Variants in ATG5 observed in about 807,000 individuals in gnomAD.
ATG5 encodes the protein autophagy related 5.
A neutral mutation model predicts 36.5 loss-of-function variants in ATG5; 14 were observed. The observed-to-expected ratio is 0.38, with a 90% CI of 0.25 to 0.60. ATG5 has a LOEUF of 0.60. Among genes scored for constraint, ATG5 ranks in the 20% least tolerant of loss-of-function variants. The pLI is 0.60. For synonymous variants in ATG5, 95 were observed against 101.5 expected (o/e 0.94, Z 0.38); for missense variants, 195 against 326.7 (o/e 0.60, Z 3.11).
At chr6:106,278,262 G>C (rs981963931) in intron 5 of ATG5, among the ~76,000 whole-genome samples, 4 of 152,082 alleles carry the variant, frequency 2.6e-5, no homozygotes, top group African/African-American at 9.7e-5. Flanking sequence ...TTATTTCTTT[G>C]TAAAAACTTA....
At chr6:106,212,933 G>A (rs1214346484) in intron 6 of ATG5, among the ~76,000 whole-genome samples, 1 of 152,122 alleles carries the variant, frequency 6.6e-6, no homozygotes, top group Non-Finnish European at 1.5e-5. Context: ...AGTGGTAATA[G>A]GCACTACAAT....
At chr6:106,263,752 T>G (rs1779117538) in intron 5 of ATG5, among the ~76,000 whole-genome samples, 1 of 151,814 alleles carries the variant, frequency 6.6e-6, no homozygotes, top group Non-Finnish European at 1.5e-5. Context: ...GCAGCAGACC[T>G]GCAGAAGAGG....
At chr6:106,212,857 CA>C (rs931307125) in intron 6 of ATG5, among the ~76,000 whole-genome samples, 1 of 151,978 alleles carries the variant, frequency 6.6e-6, no homozygotes, top group African/African-American at 2.4e-5. Flanking sequence ...TTAGCAAAAA[CA>C]AAAAAACCCC....
chr6:106,273,882 G>A lies in ATG5; in HGVS notation c.478+5779C>T, dbSNP rs144827026. 5.0e-3 allele frequency among the ~76,000 whole-genome samples: 765 copies of A among 152,230 alleles called. 2 individuals are homozygous for A. The highest frequency in any genetic ancestry group is 8.3e-3 in the Non-Finnish European group (564 of 68,012). ...CAAACAAAAGTATTTTCCAAATGTCGTGACTTGTTATAAAATTACCATTAG... is the reference window on the plus strand; with the variant it reads ...CAAACAAAAGTATTTTCCAAATGTCATGACTTGTTATAAAATTACCATTAG... On this transcript the variant is annotated intron_variant, in intron 5 of 7. Coordinates refer to ENST00000369076, the MANE Select transcript of ATG5 (RefSeq NM_004849.4).
chr6:106,204,443 T>G (rs1398740595), intron 6 of ATG5, among the ~76,000 whole-genome samples: 1 of 152,228 alleles, frequency 6.6e-6, no homozygotes, highest in Non-Finnish European at 1.5e-5. Flanking sequence ...ACTTCACTAT[T>G]TGAACTCTTT....
In ATG5 at chr6:106,245,866, C is replaced by A. The variant is rs573327769; in HGVS notation, c.573+2284G>T. ...ACATTTAACAAACAGAATATCACAA[C>A]CATACAAACTAATCAGATATAAAGA... On this transcript the variant is annotated intron_variant, in intron 6 of 7. Transcript: ENST00000369076. Among the ~76,000 whole-genome samples, 6 of 152,102 alleles carry A rather than the reference C, an allele frequency of 3.9e-5. No individual in the cohort carries two copies. In the South Asian group the frequency reaches 1.2e-3, roughly 32 times the overall value.
At chr6:106,241,351 T>C (rs1277914127) in intron 6 of ATG5, among the ~76,000 whole-genome samples, 1 of 152,156 alleles carries the variant, frequency 6.6e-6, no homozygotes, top group Non-Finnish European at 1.5e-5. Context: ...ATAATAAATA[T>C]TGGTGAAGAT....
intron 7 of ATG5, among the ~76,000 whole-genome samples, chr6:106,189,157 T>C (rs999176888): frequency 6.6e-6 from 1 of 152,190 alleles, no homozygotes; most frequent in Admixed American, 6.5e-5. Flanking sequence ...AGCCCTACCA[T>C]GGAGAATAAC....
rs144750172 is a variant in ATG5, at chr6:106,279,556, T to G, written c.478+105A>C. ...CAAATCTGGGCACAGAGGCTACAATTTAAACTTGTACCACCAATTCTAAAA... is the reference window on the plus strand; with the variant it reads ...CAAATCTGGGCACAGAGGCTACAATGTAAACTTGTACCACCAATTCTAAAA... On this transcript the variant is annotated intron_variant, in intron 5 of 7. Coordinates refer to ENST00000369076, the MANE Select transcript of ATG5 (RefSeq NM_004849.4). 1.1e-3 allele frequency: 1,160 copies of G among 1,060,226 alleles called. 16 individuals are homozygous for G. The African/African-American group carries it at 0.017, about 15-fold the overall frequency. The allele number at this position is 1,060,226 out of a possible 1,614,324, so 65.7% of individuals were successfully genotyped here.
intron 6 of ATG5, among the ~76,000 whole-genome samples, chr6:106,220,720 T>C (rs891836948): frequency 6.6e-6 from 1 of 152,140 alleles, no homozygotes; most frequent in Non-Finnish European, 1.5e-5. Context: ...CAGACAGGTG[T>C]TGTGTATTCT....
intron 1 of ATG5, among the ~76,000 whole-genome samples, chr6:106,321,362 CTTTTT>C (rs1212329735): frequency 7.1e-6 from 1 of 140,406 alleles, no homozygotes; most frequent in Non-Finnish European, 1.6e-5. Context: ...TGGGTCAACT[CTTTTT>C]TTTTTTTTTG....
chr6:106,306,322 G>A (rs548717287), intron 3 of ATG5, among the ~76,000 whole-genome samples: 2 of 151,266 alleles, frequency 1.3e-5, no homozygotes, highest in African/African-American at 4.8e-5. Flanking sequence ...ATGAGGGACA[G>A]CATAAAACAG....
In ATG5 at chr6:106,209,276, C is replaced by T. The variant is rs572044858; in HGVS notation, c.574-7187G>A. ...TCAAAAACAGAAAGCAATCCCAGGG[C>T]TACCCATTAAAACAGGTGAATGCTT... On this transcript the variant is annotated intron_variant, in intron 6 of 7. Transcript: ENST00000369076. Among the ~76,000 whole-genome samples the T allele has an allele frequency of 2.0e-5, 3 of 152,292 alleles. No individual in the cohort carries two copies. In the East Asian group the frequency reaches 5.8e-4, roughly 29 times the overall value.
intron 5 of ATG5, among the ~76,000 whole-genome samples, chr6:106,251,778 AAGG>A (rs1370102661): frequency 5.9e-5 from 9 of 151,518 alleles, no homozygotes; most frequent in East Asian, 3.9e-4. Context: ...AAGAAAAGAA[AAGG>A]AGGAGAGAAA....
At position 106,308,507 on chromosome 6, in the gene ATG5, G is replaced by A; in HGVS notation, c.109-16C>T. 6.6e-7 allele frequency: 1 copy of A among 1,521,330 alleles called. No individual in the cohort carries two copies. The highest frequency in any genetic ancestry group is 1.3e-5 in the South Asian group (1 of 78,472). The allele number at this position is 1,521,330 out of a possible 1,614,324, so 94.2% of individuals were successfully genotyped here. ...GCAAAAGCAACTGAAATGAAAATTT[G>A]TAAAACCGTATTTATTTACTAGTTA... is the stretch of plus-strand genomic sequence containing the variant. On this transcript the variant is annotated splice_polypyrimidine_tract_variant and intron_variant, in intron 2 of 7. Coordinates refer to ENST00000369076, the MANE Select transcript of ATG5 (RefSeq NM_004849.4).
At position 106,215,257 on chromosome 6, in the gene ATG5, CTG is replaced by C. The variant is rs1776991530; in HGVS notation, c.574-13170_574-13169del. The stretch of plus-strand genomic sequence containing the variant: ...CTGTGCTGACCTCAAAAGTGAAATT[CTG>C]TTCTCTTGATGCCCAGTTAAGTGTC... On this transcript the variant is annotated intron_variant, in intron 6 of 7. Coordinates refer to ENST00000369076, the MANE Select transcript of ATG5 (RefSeq NM_004849.4). Among the ~76,000 whole-genome samples, 4 of 152,250 alleles carry C rather than the reference CTG, an allele frequency of 2.6e-5. No individual in the cohort carries two copies. In the East Asian group the frequency reaches 5.8e-4, roughly 22 times the overall value.
rs190889396 is a variant in ATG5, at chr6:106,208,699, G to A, written c.574-6610C>T. ...CAACAACAACAACAGCTAAGCTTTTGTTCTGCAAAAGATCCTGTGAAGAGA... is the reference window on the plus strand; with the variant it reads ...CAACAACAACAACAGCTAAGCTTTTATTCTGCAAAAGATCCTGTGAAGAGA... On this transcript the variant is annotated intron_variant, in intron 6 of 7. Coordinates refer to ENST00000369076, the MANE Select transcript of ATG5 (RefSeq NM_004849.4). Among the ~76,000 whole-genome samples the A allele has an allele frequency of 6.6e-5, 10 of 152,306 alleles. No individual in the cohort carries two copies. In the East Asian group the frequency reaches 1.3e-3, roughly 21 times the overall value.
chr6:106,276,733 T>C (rs144730561), intron 5 of ATG5, among the ~76,000 whole-genome samples: 1 of 152,322 alleles, frequency 6.6e-6, no homozygotes, highest in African/African-American at 2.4e-5. Context: ...TAACTTCAAT[T>C]GTGAAGTTAA....
At chr6:106,203,346 T>C (rs1392829835) in intron 6 of ATG5, among the ~76,000 whole-genome samples, 6 of 152,224 alleles carry the variant, frequency 3.9e-5, no homozygotes, top group Non-Finnish European at 8.8e-5. Flanking sequence ...CACCACTGTT[T>C]GCAAGATCTA....
Sources: allele counts gnomAD v4.1 joint callset (sites outside exome capture counted in the v4.1 genomes callset), GRCh38; gene constraint gnomAD v4.1.1; transcripts MANE v1.5; gene names NCBI Gene and HGNC (gene_info 2026-07-23, HGNC 2026-07-21).